Variants in EDAR observed in about 807,000 individuals in gnomAD.
EDAR encodes ectodysplasin A receptor.
In EDAR, 38 loss-of-function variants were observed where a neutral mutation model predicts 51.3. That is an observed-to-expected ratio of 0.74 (90% CI 0.57 to 0.97). The LOEUF (loss-of-function observed/expected upper bound fraction) is 0.97. Among genes scored for constraint, EDAR ranks in the 50% least tolerant of loss-of-function variants. EDAR has a pLI of 0.00. For missense variants in EDAR, 528 were observed against 595.0 expected, an observed-to-expected ratio of 0.89 and a Z score of 1.17; for synonymous variants, 227 against 242.1, an observed-to-expected ratio of 0.94 and a Z score of 0.58.
At chr2:108,969,304 A>G (rs563133737) in intron 1 of EDAR, among the ~76,000 whole-genome samples, 2 of 151,578 alleles carry the variant, frequency 1.3e-5, no homozygotes, top group Admixed American at 6.6e-5. Context: ...TCTTTCCAAG[A>G]CCTTATTTGA....
chr2:108,919,213 C>T (rs777557648), intron 5 of EDAR, among the ~76,000 whole-genome samples: 3 of 152,146 alleles, frequency 2.0e-5, no homozygotes, highest in Non-Finnish European at 4.4e-5. Context: ...GCACAAGAGA[C>T]GGAAACCACG....
intron 1 of EDAR, among the ~76,000 whole-genome samples, chr2:108,960,333 C>A (rs576271235): frequency 6.6e-6 from 1 of 152,348 alleles, no homozygotes; most frequent in East Asian, 1.9e-4. Context: ...GTGCTCACTG[C>A]CTCAGAATGT....
intron 1 of EDAR, among the ~76,000 whole-genome samples, chr2:108,935,840 C>CA (rs1405156037): frequency 2.6e-5 from 4 of 152,192 alleles, no homozygotes; most frequent in Non-Finnish European, 4.4e-5. Flanking sequence ...ACATGGAAGA[C>CA]ATCATTATAT....
chr2:108,901,491 A>C (rs1318527597), intron 11 of EDAR, among the ~76,000 whole-genome samples: 1 of 152,232 alleles, frequency 6.6e-6, no homozygotes, highest in Non-Finnish European at 1.5e-5. Flanking sequence ...GTAATCAATG[A>C]AATTGAAAAC....
intron 1 of EDAR, among the ~76,000 whole-genome samples, chr2:108,936,698 C>T (rs1179938964): frequency 1.3e-5 from 2 of 152,214 alleles, no homozygotes; most frequent in African/African-American, 4.8e-5. Context: ...GCTGAAAACA[C>T]TTCCATTTGA....
intron 1 of EDAR, among the ~76,000 whole-genome samples, chr2:108,948,627 G>A (rs1013317421): frequency 6.6e-6 from 1 of 152,178 alleles, no homozygotes; most frequent in Non-Finnish European, 1.5e-5. Context: ...GAGAGAGAGA[G>A]AGAGTGAAGT....
At chr2:108,988,482 T>C (rs1156869544) in intron 1 of EDAR, among the ~76,000 whole-genome samples, 2 of 152,078 alleles carry the variant, frequency 1.3e-5, no homozygotes, top group African/African-American at 4.8e-5. Flanking sequence ...GGCCAGGATA[T>C]GGGGGGTCTC....
rs773452302 is a variant in EDAR at position 108,907,783 on chromosome 2, C to A, written c.963+77G>T. 9.7e-5 allele frequency: 152 copies of A among 1,561,252 alleles called. No homozygotes were observed. In the Middle Eastern group the frequency reaches 1.2e-3, roughly 12 times the overall value. ...ACCCCGTCTTGCAGGAGAGCTGATT[C>A]AATAAGAAAGTTTTAGTCTTGCGGC... On this transcript the variant is annotated intron_variant, in intron 10 of 11. Transcript: ENST00000258443.
At chr2:108,938,358 A>C (rs1457442018) in intron 1 of EDAR, among the ~76,000 whole-genome samples, 3 of 152,184 alleles carry the variant, frequency 2.0e-5, no homozygotes, top group Non-Finnish European at 4.4e-5. Context: ...AATGCTAATT[A>C]TGTTATGAAG....
intron 1 of EDAR, among the ~76,000 whole-genome samples, chr2:108,959,725 G>A (rs556217238): frequency 2.1e-4 from 32 of 152,204 alleles, no homozygotes; most frequent in African/African-American, 5.8e-4. Flanking sequence ...TTTCCCCAGC[G>A]TATGAGAGCC....
intron 1 of EDAR, among the ~76,000 whole-genome samples, chr2:108,942,874 TTTTG>T (rs897989037): frequency 6.1e-4 from 93 of 152,256 alleles, no homozygotes; most frequent in African/African-American, 1.8e-3. Context: ...CGGGTAGGAT[TTTTG>T]TTTGTTTGTT....
chr2:108,959,959 T>C (rs1315908591), intron 1 of EDAR, among the ~76,000 whole-genome samples: 1 of 152,170 alleles, frequency 6.6e-6, no homozygotes, highest in Non-Finnish European at 1.5e-5. Context: ...CTATACCACA[T>C]GGTCCCTTTC....
chr2:108,965,363 C>T (rs1156878522), intron 1 of EDAR, among the ~76,000 whole-genome samples: 1 of 151,836 alleles, frequency 6.6e-6, no homozygotes, highest in Admixed American at 6.6e-5. Context: ...TGCCTGTAGT[C>T]CCAGCTACTC....
intron 1 of EDAR, among the ~76,000 whole-genome samples, chr2:108,984,859 C>CTGAA (rs1288880309): frequency 2.0e-5 from 3 of 152,190 alleles, no homozygotes; most frequent in African/African-American, 7.2e-5. Flanking sequence ...AAAACATTTG[C>CTGAA]TGAATGAATG....
chr2:108,977,056 C>T (rs1015529180), intron 1 of EDAR, among the ~76,000 whole-genome samples: 9 of 152,148 alleles, frequency 5.9e-5, no homozygotes, highest in Non-Finnish European at 1.2e-4. Flanking sequence ...AGAACAAGCT[C>T]TCATTTAGAA....
At chr2:108,954,318 C>T (rs1264626335) in intron 1 of EDAR, among the ~76,000 whole-genome samples, 3 of 152,318 alleles carry the variant, frequency 2.0e-5, no homozygotes, top group Admixed American at 1.3e-4. Context: ...ATATGGGCTG[C>T]CATTTTCCCA....
chr2:108,977,758 AGGCCTCAGTGTCTGAAG>A, intron 1 of EDAR, among the ~76,000 whole-genome samples: 1 of 152,296 alleles, frequency 6.6e-6, no homozygotes, highest in South Asian at 2.1e-4. Context: ...GGGTGGAAAC[AGGCCTCAGTGTCTGAAG>A]GACCCACAGC....
At chr2:108,964,598 C>A (rs894570804) in intron 1 of EDAR, among the ~76,000 whole-genome samples, 12 of 152,220 alleles carry the variant, frequency 7.9e-5, no homozygotes, top group Admixed American at 6.5e-5. Flanking sequence ...CAACAAAGGG[C>A]AGCTGTTTAA....
intron 1 of EDAR, among the ~76,000 whole-genome samples, chr2:108,974,022 T>C (rs1399676848): frequency 2.0e-5 from 3 of 151,914 alleles, no homozygotes; most frequent in Non-Finnish European, 4.4e-5. Flanking sequence ...ATAGAAATAA[T>C]AAGAAAAATA....
Sources: gnomAD v4.1 joint callset for allele counts (sites outside exome capture counted in the v4.1 genomes callset) on GRCh38, gnomAD v4.1.1 for gene constraint, MANE v1.5 for transcripts, NCBI Gene and HGNC (gene_info 2026-07-23, HGNC 2026-07-21) for gene names.